The following SH3RF3 variants were observed in gnomAD, a reference collection of about 807,000 sequenced individuals.
SH3RF3 encodes SH3 domain containing ring finger 3, also known as E3 ubiquitin-protein ligase SH3RF3.
SH3RF3 carries 29 observed loss-of-function variants against 66.3 expected under a neutral mutation model. That is an observed-to-expected ratio of 0.44 (90% CI 0.33 to 0.60). The LOEUF is 0.60. Among genes scored for constraint, SH3RF3 ranks in the 20% least tolerant of loss-of-function variants. The probability of loss-of-function intolerance (pLI) is 0.04; values close to 1 mark genes in which losing one functional copy is unlikely to be tolerated. For synonymous variants in SH3RF3, 583 were observed against 532.0 expected, an observed-to-expected ratio of 1.10 and a Z score of -1.32; for missense variants, 1,194 against 1,190.9, an observed-to-expected ratio of 1.00 and a Z score of -0.04.
intron 1 of SH3RF3, among the ~76,000 whole-genome samples, chr2:109,169,907 G>A (rs1297903130): frequency 6.6e-6 from 1 of 152,106 alleles, no homozygotes; most frequent in African/African-American, 2.4e-5. Flanking sequence ...CATGGCAGGT[G>A]CTTTATATTG....
intron 2 of SH3RF3, among the ~76,000 whole-genome samples, chr2:109,364,509 G>GT (rs1196540289): frequency 6.6e-6 from 1 of 152,156 alleles, no homozygotes; most frequent in African/African-American, 2.4e-5. Context: ...AAACTGTGGG[G>GT]TTTTTTGCCT....
intron 1 of SH3RF3, among the ~76,000 whole-genome samples, chr2:109,274,196 G>A (rs1680694659): frequency 6.6e-6 from 1 of 152,152 alleles, no homozygotes; most frequent in Admixed American, 6.5e-5. Context: ...ATTATTCCTT[G>A]GAACAAACAT....
chr2:109,361,860 A>G (rs561567676), intron 2 of SH3RF3, among the ~76,000 whole-genome samples: 2 of 152,336 alleles, frequency 1.3e-5, no homozygotes, highest in African/African-American at 4.8e-5. Context: ...AAATTTGTGG[A>G]CATAGCATTA....
chr2:109,181,651 C>A (rs575532284), intron 1 of SH3RF3, among the ~76,000 whole-genome samples: 4 of 152,352 alleles, frequency 2.6e-5, no homozygotes, highest in East Asian at 3.9e-4. Flanking sequence ...TGTTGCCGAA[C>A]ACACCAAATC....
At chr2:109,156,309 C>G (rs1370438903) in intron 1 of SH3RF3, among the ~76,000 whole-genome samples, 1 of 152,220 alleles carries the variant, frequency 6.6e-6, no homozygotes, top group African/African-American at 2.4e-5. Context: ...TTTCTCCGCC[C>G]CTCGCATCTT....
rs59245020 is a variant in SH3RF3 at position 109,379,344 on chromosome 2, G to A, written c.945+7663G>A. 3.9e-3 allele frequency among the ~76,000 whole-genome samples: 599 copies of A among 152,322 alleles called. 3 individuals carry two copies. Among genetic ancestry groups the A allele is most frequent in the African/African-American group, 0.014 (574 of 41,574 alleles). On this transcript the variant is annotated intron_variant, in intron 3 of 9. Coordinates refer to ENST00000309415, the MANE Select transcript of SH3RF3 (RefSeq NM_001099289.3). ...TTCCTTAGATGAGGAACTGGAAAAC[G>A]CCTTTAAAGTCATGGTTTACCATGG...
chr2:109,248,872 TTCCTTTCCTG>T (rs1426239712), intron 1 of SH3RF3, among the ~76,000 whole-genome samples: 2 of 120,378 alleles, frequency 1.7e-5, no homozygotes, highest in South Asian at 2.8e-4. Flanking sequence ...CCTTTTTCCT[TTCCTTTCCTG>T]TCCTTTCCTG....
intron 1 of SH3RF3, among the ~76,000 whole-genome samples, chr2:109,145,264 C>T (rs1245450712): frequency 2.6e-5 from 4 of 152,152 alleles, no homozygotes; most frequent in East Asian, 1.9e-4. Context: ...CCTGTGGCCC[C>T]GGTGATTGTC....
chr2:109,405,325 C>T (rs1676425468), intron 4 of SH3RF3, among the ~76,000 whole-genome samples: 1 of 152,170 alleles, frequency 6.6e-6, no homozygotes, highest in Non-Finnish European at 1.5e-5. Context: ...TGAGCTAACA[C>T]TCTTCGTCTT....
chr2:109,426,830 C>T (rs910920900), intron 5 of SH3RF3, among the ~76,000 whole-genome samples: 1 of 152,164 alleles, frequency 6.6e-6, no homozygotes, highest in Admixed American at 6.5e-5. Context: ...GAAGTTGCCA[C>T]AGCCACCCCC....
intron 1 of SH3RF3, chr2:109,251,794 AC>A: frequency 1.9e-6 from 1 of 513,634 alleles, no homozygotes. Flanking sequence ...ATTAGATAAT[AC>A]TAAAAAATAC....
intron 1 of SH3RF3, among the ~76,000 whole-genome samples, chr2:109,204,497 T>A (rs1678760524): frequency 6.6e-6 from 1 of 152,232 alleles, no homozygotes; most frequent in Non-Finnish European, 1.5e-5. Flanking sequence ...ATCTCCCTTA[T>A]TCTAGACTAG....
At chr2:109,201,626 G>A (rs1381340417) in intron 1 of SH3RF3, among the ~76,000 whole-genome samples, 1 of 152,178 alleles carries the variant, frequency 6.6e-6, no homozygotes, top group Non-Finnish European at 1.5e-5. Context: ...TCACAGCATG[G>A]CCTTCGTTTG....
At chr2:109,351,635 G>A (rs984609587) in intron 2 of SH3RF3, among the ~76,000 whole-genome samples, 5 of 152,254 alleles carry the variant, frequency 3.3e-5, no homozygotes, top group African/African-American at 2.4e-5. Context: ...GGGATGCTCA[G>A]GAATCCTCAG....
intron 4 of SH3RF3, among the ~76,000 whole-genome samples, chr2:109,404,396 C>T (rs1676393866): frequency 6.6e-6 from 1 of 152,206 alleles, no homozygotes; most frequent in African/African-American, 2.4e-5. Flanking sequence ...CAGCGCCTGG[C>T]CTCTGAGTAG....
At chr2:109,170,287 CTCTTCTCTTCTCTTCTCTTCTCTT>C (rs1677741558) in intron 1 of SH3RF3, among the ~76,000 whole-genome samples, 1 of 120,922 alleles carries the variant, frequency 8.3e-6, no homozygotes, top group Non-Finnish European at 1.8e-5. Flanking sequence ...CTCTTCTCTT[CTCTTCTCTTCTCTTCTCTTCTCTT>C]CTCTCCTCTC....
intron 2 of SH3RF3, among the ~76,000 whole-genome samples, chr2:109,365,313 G>T (rs1683134098): frequency 6.6e-6 from 1 of 152,162 alleles, no homozygotes; most frequent in East Asian, 1.9e-4. Flanking sequence ...TTACCTCTCA[G>T]GCTGTCCACA....
At chr2:109,293,965 G>A (rs949862023) in intron 1 of SH3RF3, among the ~76,000 whole-genome samples, 1 of 152,160 alleles carries the variant, frequency 6.6e-6, no homozygotes. Context: ...AGCTTCCCTG[G>A]GTGGGGGTCT....
At chr2:109,481,609 C>G (rs1162163793) in intron 8 of SH3RF3, among the ~76,000 whole-genome samples, 2 of 152,138 alleles carry the variant, frequency 1.3e-5, no homozygotes, top group African/African-American at 2.4e-5. Flanking sequence ...GCGCTTCATC[C>G]CTCCACTCAG....
Sources: gnomAD v4.1 joint callset for allele counts (sites outside exome capture counted in the v4.1 genomes callset) on GRCh38, gnomAD v4.1.1 for gene constraint, MANE v1.5 for transcripts, NCBI Gene and HGNC (gene_info 2026-07-23, HGNC 2026-07-21) for gene names.